Variants in ADGRE1 observed in about 807,000 individuals in gnomAD.
ADGRE1 encodes adhesion G protein-coupled receptor E1, also known as EGF-like module receptor 1.
A neutral mutation model predicts 102.7 loss-of-function variants in ADGRE1; 82 were observed. The ratio of observed to expected loss-of-function variants is 0.80; its 90% CI spans 0.67 to 0.96. The LOEUF is 0.96. Ranked by LOEUF, ADGRE1 falls within the 40% of genes least tolerant of loss-of-function variation. The probability of loss-of-function intolerance (pLI) is 0.00; values close to 1 mark genes in which losing one functional copy is unlikely to be tolerated. For missense variants in ADGRE1, 1,032 were observed against 1,085.3 expected (o/e 0.95, Z 0.69); for synonymous variants, 398 against 399.6 (o/e 1.00, Z 0.05).
intron 8 of ADGRE1, 144 bp from the exon 9 acceptor site, chr19:6,906,289 G>A: frequency 1.5e-6 from 1 of 648,364 alleles, no homozygotes; most frequent in Non-Finnish European, 2.7e-6. Context: ...GTGTGTAGTT[G>A]TGGTTTGTTC....
At chr19:6,924,917 C>G in intron 15 of ADGRE1, 45 bp downstream of exon 15, 1 of 1,596,092 alleles carries the variant, frequency 6.3e-7, no homozygotes, top group Admixed American at 1.7e-5. Context: ...CCATCTTCTC[C>G]CCACCTGCCT....
At chr19:6,901,130 T>TG (rs762365703) in intron 5 of ADGRE1, among the ~76,000 whole-genome samples, 11 of 152,212 alleles carry the variant, frequency 7.2e-5, no homozygotes, top group Non-Finnish European at 1.6e-4. Flanking sequence ...TTCAAGGGCA[T>TG]GACCAGATGG....
At chr19:6,908,595 A>G (rs1974054437) in intron 9 of ADGRE1, 94 bp from the exon 10 acceptor site, 1 of 1,103,060 alleles carries the variant, frequency 9.1e-7, no homozygotes, top group African/African-American at 1.6e-5. Flanking sequence ...ACCTCATATG[A>G]TGGGCTTTAT....
chr19:6,893,440 A>T (rs1037122504), intron 2 of ADGRE1, among the ~76,000 whole-genome samples: 1 of 152,144 alleles, frequency 6.6e-6, no homozygotes, highest in Non-Finnish European at 1.5e-5. Context: ...ATCTCAGGTG[A>T]TCTGCCCGCC....
intron 5 of ADGRE1, among the ~76,000 whole-genome samples, chr19:6,900,148 G>A (rs1973713265): frequency 6.6e-6 from 1 of 151,478 alleles, no homozygotes; most frequent in South Asian, 2.1e-4. Flanking sequence ...TCACATTAAA[G>A]CAGTCATCAC....
chr19:6,908,161 A>C (rs913676961), intron 9 of ADGRE1, among the ~76,000 whole-genome samples: 1 of 152,242 alleles, frequency 6.6e-6, no homozygotes, highest in African/African-American at 2.4e-5. Context: ...TCTGTGCCTT[A>C]AGGACATGCT....
intron 20 of ADGRE1, among the ~76,000 whole-genome samples, chr19:6,939,422 C>T (rs934061058): frequency 6.6e-6 from 1 of 152,100 alleles, no homozygotes. Context: ...AATGATTTTC[C>T]TTGCAAGAAG....
intron 2 of ADGRE1, among the ~76,000 whole-genome samples, chr19:6,892,342 T>C (rs529023200): frequency 1.3e-5 from 2 of 152,352 alleles, no homozygotes; most frequent in East Asian, 3.9e-4. Flanking sequence ...TATGATACTT[T>C]TTAGTTTTTC....
At chr19:6,906,309 CTT>C (rs1392147394) in intron 8 of ADGRE1, 122 bp from the exon 9 acceptor site, 1 of 732,850 alleles carries the variant, frequency 1.4e-6, no homozygotes, top group African/African-American at 1.8e-5. Context: ...CATTTTCCCC[CTT>C]GTGTATTAGG....
chr19:6,910,550 T>G (rs983097188), intron 10 of ADGRE1, among the ~76,000 whole-genome samples: 1 of 150,682 alleles, frequency 6.6e-6, no homozygotes, highest in African/African-American at 2.4e-5. Flanking sequence ...GCTTCTCTAA[T>G]GTGTCAAACT....
At position 6,924,728 on chromosome 19, in the gene ADGRE1, G is replaced by A. The variant is rs1233150009; in HGVS notation, c.1842G>A (p.Leu614=). 2 of 1,613,930 alleles carry A rather than the reference G, an allele frequency of 1.2e-6. No individual in the cohort carries two copies. Among genetic ancestry groups the A allele is most frequent in the Middle Eastern group, 1.6e-4 (1 of 6,084 alleles). ...IISHVGIIIS[L]VCLVLAIATF... Reference sequence around the variant, plus strand: ...GCCATGTAGGCATTATCATCTCCTTGGTGTGCCTCGTCTTGGCCATCGCCA... The same window carrying A: ...GCCATGTAGGCATTATCATCTCCTTAGTGTGCCTCGTCTTGGCCATCGCCA... Residue 614 remains leucine (L), a synonymous_variant, in exon 15 of 21, where the codon TTG becomes TTA. Coordinates refer to ENST00000312053, the MANE Select transcript of ADGRE1 (RefSeq NM_001974.5).
At chr19:6,919,818 C>A in intron 13 of ADGRE1, 71 bp downstream of exon 13, 1 of 1,480,248 alleles carries the variant, frequency 6.8e-7, no homozygotes, top group Non-Finnish European at 9.3e-7. Context: ...ATTGCCTTAA[C>A]TCTCATTTTT....
chr19:6,917,884 A>G (rs1974458172), intron 12 of ADGRE1, among the ~76,000 whole-genome samples: 2 of 152,176 alleles, frequency 1.3e-5, no homozygotes, highest in East Asian at 3.8e-4. Context: ...CTTTTTAGAA[A>G]TAAATCCTCT....
intron 14 of ADGRE1, among the ~76,000 whole-genome samples, chr19:6,923,828 T>C (rs796469158): frequency 3.3e-3 from 353 of 106,050 alleles, no homozygotes; most frequent in Middle Eastern, 0.03. Flanking sequence ...CATGAGCCAC[T>C]GCGCCCAGCC....
chr19:6,927,824 G>A (rs1320586770), intron 16 of ADGRE1, among the ~76,000 whole-genome samples: 2 of 152,020 alleles, frequency 1.3e-5, no homozygotes, highest in East Asian at 3.9e-4. Context: ...CCCACGCCCG[G>A]CCTGAGCTGA....
chr19:6,928,055 TCTC>T (rs754491044), intron 16 of ADGRE1, 87 bp from the exon 17 acceptor site: 220 of 1,466,010 alleles, frequency 1.5e-4, no homozygotes, highest in Non-Finnish European at 2.0e-4. Context: ...CTCCCAGTGT[TCTC>T]CTCCACTAGG....
At chr19:6,889,470 C>T (rs1973271687) in intron 1 of ADGRE1, among the ~76,000 whole-genome samples, 1 of 151,748 alleles carries the variant, frequency 6.6e-6, no homozygotes, top group African/African-American at 2.4e-5. Flanking sequence ...GCAGGCAGAT[C>T]ATGAGGTCAG....
intron 20 of ADGRE1, among the ~76,000 whole-genome samples, chr19:6,938,995 GAT>G (rs1200520450): frequency 1.3e-5 from 2 of 151,760 alleles, no homozygotes; most frequent in African/African-American, 4.8e-5. Flanking sequence ...AGGGTTTCAT[GAT>G]GTTGGCCAGG....
At chr19:6,918,181 T>G (rs1364063512) in intron 12 of ADGRE1, among the ~76,000 whole-genome samples, 6 of 152,220 alleles carry the variant, frequency 3.9e-5, no homozygotes, top group African/African-American at 1.2e-4. Flanking sequence ...GGCTCACGCC[T>G]GTAATCCCAG....
Sources: gnomAD v4.1 joint callset for allele counts (sites outside exome capture counted in the v4.1 genomes callset) on GRCh38, gnomAD v4.1.1 for gene constraint, MANE v1.5 for transcripts, NCBI Gene and HGNC (gene_info 2026-07-23, HGNC 2026-07-21) for gene names.